The following GABRB1 variants were observed in gnomAD, a reference collection of about 807,000 sequenced individuals.
The protein encoded by GABRB1 is gamma-aminobutyric acid type A receptor subunit beta1.
GABRB1 carries 17 observed loss-of-function variants against 51.6 expected under a neutral mutation model. The observed-to-expected ratio is 0.33, with a 90% confidence interval of 0.23 to 0.49. The LOEUF (loss-of-function observed/expected upper bound fraction) is 0.49. Among genes scored for constraint, GABRB1 ranks in the 20% least tolerant of loss-of-function variants. GABRB1 has a pLI of 0.99. For missense variants in GABRB1, 410 were observed against 600.6 expected, an observed-to-expected ratio of 0.68 and a Z score of 3.32; for synonymous variants, 247 against 218.9, an observed-to-expected ratio of 1.13 and a Z score of -1.14.
intron 4 of GABRB1, among the ~76,000 whole-genome samples, chr4:47,186,600 A>G (rs1481694728): frequency 2.6e-5 from 4 of 151,846 alleles, no homozygotes; most frequent in Admixed American, 1.3e-4. Context: ...TTATTTTTCT[A>G]TACCTTTAAG....
At position 47,375,177 on chromosome 4, in the gene GABRB1, T is replaced by C. The variant is rs976521073; in HGVS notation, c.545-28141T>C. Reference sequence around the variant, plus strand: ...CCAGAGAACAAAGTTTAAAAATTACTGTTATAGGTAAAGAAGGATCATTAA... The same window carrying C: ...CCAGAGAACAAAGTTTAAAAATTACCGTTATAGGTAAAGAAGGATCATTAA... On this transcript the variant is annotated intron_variant, in intron 5 of 8. Coordinates refer to ENST00000295454, the MANE Select transcript of GABRB1 (RefSeq NM_000812.4). Among the ~76,000 whole-genome samples the C allele has an allele frequency of 3.9e-5, 6 of 152,206 alleles. No homozygotes were observed. In the East Asian group the frequency reaches 5.8e-4, roughly 15 times the overall value.
intron 4 of GABRB1, among the ~76,000 whole-genome samples, chr4:47,165,043 T>C (rs1718115981): frequency 6.6e-6 from 1 of 152,084 alleles, no homozygotes; most frequent in East Asian, 1.9e-4. Context: ...TAAGTTGTGT[T>C]AGGAGACCAG....
chr4:47,309,563 C>A (rs1287478930), intron 4 of GABRB1, among the ~76,000 whole-genome samples: 1 of 151,718 alleles, frequency 6.6e-6, no homozygotes, highest in Non-Finnish European at 1.5e-5. Flanking sequence ...TTTAAAGCAT[C>A]CTAAAGAACA....
At chr4:47,378,234 A>G (rs1374125300) in intron 5 of GABRB1, among the ~76,000 whole-genome samples, 2 of 152,348 alleles carry the variant, frequency 1.3e-5, no homozygotes, top group East Asian at 3.9e-4. Flanking sequence ...AATCGAGCGC[A>G]GCGCCAGTGG....
At chr4:47,096,051 C>T (rs141847931) in intron 3 of GABRB1, among the ~76,000 whole-genome samples, 333 of 152,204 alleles carry the variant, frequency 2.2e-3, no homozygotes, top group Admixed American at 0.02. Flanking sequence ...GAGTTGGAGA[C>T]GTACCTCCAT....
At chr4:47,088,390 A>G (rs13140672) in intron 3 of GABRB1, among the ~76,000 whole-genome samples, 37,664 of 152,192 alleles carry the variant, frequency 0.25, 6,006 homozygotes, top group Middle Eastern at 0.42. Flanking sequence ...GGCCTCTCTA[A>G]GGAAGTGACA....
At chr4:47,335,224 G>A (rs1725652483) in intron 5 of GABRB1, among the ~76,000 whole-genome samples, 1 of 151,966 alleles carries the variant, frequency 6.6e-6, no homozygotes, top group Admixed American at 6.6e-5. Flanking sequence ...AGTAACGATA[G>A]GTTCTCACGG....
At position 47,159,114 on chromosome 4, in the gene GABRB1, A is replaced by T. The variant is rs545177833; in HGVS notation, c.241-2135A>T. ...CAACAGAGAAAGACCCGGTCTCAAA[A>T]AAAGAAAAAGAAAAAAAAAATAGCC... On this transcript the variant is annotated intron_variant, in intron 3 of 8. Coordinates refer to ENST00000295454, the MANE Select transcript of GABRB1 (RefSeq NM_000812.4). Among the ~76,000 whole-genome samples the T allele has an allele frequency of 2.8e-4, 21 of 75,934 alleles. No homozygotes were observed. In the South Asian group the frequency reaches 0.012, roughly 42 times the overall value. 49.8% of individuals were successfully genotyped at this position (75,934 alleles called of 152,430 possible). A position where few individuals can be genotyped will look rare whatever the true frequency, so the allele number is the denominator to read the frequency against.
intron 4 of GABRB1, among the ~76,000 whole-genome samples, chr4:47,246,334 GTACA>G (rs1560295680): frequency 3.9e-4 from 3 of 7,654 alleles, no homozygotes; most frequent in Admixed American, 2.0e-3. Context: ...ACACACATAT[GTACA>G]TATATATATA....
intron 3 of GABRB1, among the ~76,000 whole-genome samples, chr4:47,060,873 T>G (rs1726820413): frequency 6.6e-6 from 1 of 152,226 alleles, no homozygotes; most frequent in South Asian, 2.1e-4. Flanking sequence ...CATAATTGGT[T>G]GGATAAATTA....
chr4:47,051,219 G>A (rs544709681), intron 3 of GABRB1, among the ~76,000 whole-genome samples: 1 of 152,208 alleles, frequency 6.6e-6, no homozygotes, highest in African/African-American at 2.4e-5. Context: ...GGCAATATCC[G>A]GAATAACTGG....
At chr4:47,028,279 G>A (rs540435076), upstream of GABRB1, among the ~76,000 whole-genome samples, 2 of 151,752 alleles carry the variant, frequency 1.3e-5, no homozygotes, top group South Asian at 4.2e-4. Context: ...ACATCATAAA[G>A]AATGAGGTAT....
chr4:47,254,451 C>T (rs573327151), intron 4 of GABRB1, among the ~76,000 whole-genome samples: 39 of 148,886 alleles, frequency 2.6e-4, no homozygotes, highest in African/African-American at 8.0e-4. Flanking sequence ...CTGCAAGCTC[C>T]GCCTCCCGAG....
intron 4 of GABRB1, among the ~76,000 whole-genome samples, chr4:47,208,250 T>A (rs752409846): frequency 1.3e-4 from 20 of 152,042 alleles, no homozygotes; most frequent in African/African-American, 1.9e-4. Flanking sequence ...GGATAAGTAA[T>A]GTATAATTCC....
intron 5 of GABRB1, among the ~76,000 whole-genome samples, chr4:47,346,981 A>G (rs1726121630): frequency 6.6e-6 from 1 of 152,282 alleles, no homozygotes; most frequent in East Asian, 1.9e-4. Flanking sequence ...TGAAATTCTC[A>G]TCAAAAATAA....
At chr4:47,146,201 A>G (rs1717163840) in intron 3 of GABRB1, among the ~76,000 whole-genome samples, 2 of 152,072 alleles carry the variant, frequency 1.3e-5, no homozygotes, top group African/African-American at 2.4e-5. Flanking sequence ...TTTAAAAAAA[A>G]TTTGCTGAGC....
At chr4:47,010,705 C>G (rs1363189204) in intron 1 of GABRB1, among the ~76,000 whole-genome samples, 1 of 152,204 alleles carries the variant, frequency 6.6e-6, no homozygotes, top group Non-Finnish European at 1.5e-5. Flanking sequence ...GTTGTTGGCT[C>G]TGACCTAGTG....
Position 47,058,584 on chromosome 4 carries a change from G to A in GABRB1, c.240+26100G>A, listed in dbSNP as rs182721210. 4.6e-5 allele frequency among the ~76,000 whole-genome samples: 7 copies of A among 152,256 alleles called. No homozygotes were observed. The East Asian group carries it at 1.2e-3, about 25-fold the overall frequency. ...GCAGGTGGGATATTAGATTACCCAGGAATGTTTAAACCGTGCCCCCTTGGA... is the reference window on the plus strand; with the variant it reads ...GCAGGTGGGATATTAGATTACCCAGAAATGTTTAAACCGTGCCCCCTTGGA... On this transcript the variant is annotated intron_variant, in intron 3 of 8. Transcript: ENST00000295454.
chr4:47,037,106 C>T (rs1725610224), intron 3 of GABRB1, among the ~76,000 whole-genome samples: 1 of 152,116 alleles, frequency 6.6e-6, no homozygotes, highest in African/African-American at 2.4e-5. Flanking sequence ...ACCTGTGAAT[C>T]AACCAATCTC....
Sources: gnomAD v4.1 joint callset for allele counts (sites outside exome capture counted in the v4.1 genomes callset) on GRCh38, gnomAD v4.1.1 for gene constraint, MANE v1.5 for transcripts, NCBI Gene and HGNC (gene_info 2026-07-23, HGNC 2026-07-21) for gene names.